The following STAC variants were observed in gnomAD, a reference collection of about 807,000 sequenced individuals.
The protein encoded by STAC is SH3 and cysteine-rich domain-containing protein.
STAC carries 43 observed loss-of-function variants against 48.8 expected under a neutral mutation model. The observed-to-expected ratio is 0.88, with a 90% CI of 0.69 to 1.14. The LOEUF (loss-of-function observed/expected upper bound fraction) is 1.14. STAC is among the 50% of genes most tolerant of loss of function. The probability of loss-of-function intolerance (pLI) is 0.00; values close to 1 mark genes in which losing one functional copy is unlikely to be tolerated. For synonymous variants in STAC, 193 were observed against 179.5 expected (o/e 1.07, Z -0.60); for missense variants, 497 against 504.0 (o/e 0.99, Z 0.13).
intron 1 of STAC, among the ~76,000 whole-genome samples, chr3:36,386,337 G>A (rs1699615472): frequency 1.3e-5 from 2 of 151,008 alleles, no homozygotes; most frequent in South Asian, 2.1e-4. Context: ...AATTTGTAGG[G>A]GTTCTTCTCA....
chr3:36,487,114 G>C (rs1319094724), intron 5 of STAC, among the ~76,000 whole-genome samples: 2 of 152,238 alleles, frequency 1.3e-5, no homozygotes, highest in Non-Finnish European at 2.9e-5. Flanking sequence ...TGGGAAGAGG[G>C]GCAGGGCACA....
chr3:36,467,083 CTG>C (rs1697198611), intron 2 of STAC, among the ~76,000 whole-genome samples: 1 of 151,900 alleles, frequency 6.6e-6, no homozygotes, highest in South Asian at 2.1e-4. Context: ...AATGCATTTT[CTG>C]TGTCTATTGA....
Position 36,448,035 on chromosome 3 carries a change from C to G in STAC, c.388+4395C>G, listed in dbSNP as rs113464212. On this transcript the variant is annotated intron_variant, in intron 2 of 10. Transcript: ENST00000273183. ...ATCTCTGGTGTCCAGAACTTTGCTGCTACTTTACTACTACAGGACAAAAAA... is the reference window on the plus strand; with the variant it reads ...ATCTCTGGTGTCCAGAACTTTGCTGGTACTTTACTACTACAGGACAAAAAA... Among the ~76,000 whole-genome samples, 241 of 152,262 alleles carry G rather than the reference C, an allele frequency of 1.6e-3. 1 individual carries two copies. The highest frequency in any genetic ancestry group is 4.7e-3 in the African/African-American group (196 of 41,552).
chr3:36,382,407 T>C (rs1046457263), intron 1 of STAC, among the ~76,000 whole-genome samples: 5 of 152,212 alleles, frequency 3.3e-5, no homozygotes, highest in Non-Finnish European at 7.3e-5. Context: ...CTAATGGAAA[T>C]TATTTGGCAG....
intron 8 of STAC, among the ~76,000 whole-genome samples, chr3:36,521,824 T>C (rs533505237): frequency 3.7e-4 from 57 of 152,324 alleles, no homozygotes; most frequent in African/African-American, 1.3e-3. Context: ...CCAGGCATGG[T>C]GGCTCGTGTC....
At chr3:36,387,968 C>T (rs1699657247) in intron 1 of STAC, among the ~76,000 whole-genome samples, 1 of 152,044 alleles carries the variant, frequency 6.6e-6, no homozygotes, top group Non-Finnish European at 1.5e-5. Context: ...CACAAGGATT[C>T]CAGTTTCTCT....
intron 1 of STAC, among the ~76,000 whole-genome samples, chr3:36,438,020 C>A (rs1401465901): frequency 6.6e-6 from 1 of 151,310 alleles, no homozygotes; most frequent in Non-Finnish European, 1.5e-5. Flanking sequence ...TTCACTGCAA[C>A]CTTGCCTCCC....
At chr3:36,520,076 C>G (rs1271865024) in intron 8 of STAC, among the ~76,000 whole-genome samples, 1 of 152,128 alleles carries the variant, frequency 6.6e-6, no homozygotes, top group African/African-American at 2.4e-5. Flanking sequence ...CCAGATCAGT[C>G]ATGTTTTTTG....
intron 10 of STAC, among the ~76,000 whole-genome samples, chr3:36,529,613 G>C (rs1699018285): frequency 6.6e-6 from 1 of 152,138 alleles, no homozygotes; most frequent in South Asian, 2.1e-4. Context: ...GAAGTAAAAT[G>C]TGAACCCCCA....
chr3:36,451,666 T>C (rs557398788), intron 2 of STAC, among the ~76,000 whole-genome samples: 16 of 152,228 alleles, frequency 1.1e-4, no homozygotes, highest in African/African-American at 3.6e-4. Flanking sequence ...TTACATGTGT[T>C]ATTTTGATAC....
At chr3:36,464,703 C>T (rs1321389212) in intron 2 of STAC, among the ~76,000 whole-genome samples, 1 of 152,128 alleles carries the variant, frequency 6.6e-6, no homozygotes, top group Admixed American at 6.6e-5. Flanking sequence ...GTTTTCCATT[C>T]CTGAGTTATT....
At chr3:36,486,014 G>T in intron 4 of STAC, 120 bp from the exon 5 acceptor site, 2 of 706,960 alleles carry the variant, frequency 2.8e-6, no homozygotes, top group South Asian at 3.6e-5. Flanking sequence ...TCTACCCAGA[G>T]GCTAAGTTCC....
rs189216598 is a variant in STAC, at chr3:36,381,450, T to C, written c.111+696T>C. Among the ~76,000 whole-genome samples, 89 of 152,302 alleles carry C rather than the reference T, an allele frequency of 5.8e-4. 1 individual carries two copies. The highest frequency in any genetic ancestry group is 1.6e-3 in the African/African-American group (67 of 41,566). On this transcript the variant is annotated intron_variant, in intron 1 of 10. Coordinates refer to ENST00000273183, the MANE Select transcript of STAC (RefSeq NM_003149.3). ...CATGTTTGAAAATCTTGGAAGAGGATAGAGTAAAATGTGGCTGCTAGCAGT... is the reference window on the plus strand; with the variant it reads ...CATGTTTGAAAATCTTGGAAGAGGACAGAGTAAAATGTGGCTGCTAGCAGT...
chr3:36,447,647 CACCACACA>C (rs1559495057), intron 2 of STAC, among the ~76,000 whole-genome samples: 1 of 124,482 alleles, frequency 8.0e-6, no homozygotes. Context: ...TATGTATACA[CACCACACA>C]CACACACACA....
chr3:36,403,867 G>GA (rs1309077744), intron 1 of STAC, among the ~76,000 whole-genome samples: 1 of 152,054 alleles, frequency 6.6e-6, no homozygotes, highest in African/African-American at 2.4e-5. Flanking sequence ...GAATGACTCT[G>GA]AAAAAAACAA....
chr3:36,422,210 T>C (rs1411633697), intron 1 of STAC, among the ~76,000 whole-genome samples: 1 of 152,160 alleles, frequency 6.6e-6, no homozygotes, highest in Non-Finnish European at 1.5e-5. Flanking sequence ...TTAGTATTCA[T>C]ATGGATGTTT....
intron 2 of STAC, among the ~76,000 whole-genome samples, chr3:36,446,571 T>C (rs1696514232): frequency 6.6e-6 from 1 of 152,212 alleles, no homozygotes; most frequent in South Asian, 2.1e-4. Context: ...CTGTCTACAA[T>C]GACTCATTTC....
intron 1 of STAC, among the ~76,000 whole-genome samples, chr3:36,405,757 G>T (rs1174810351): frequency 6.6e-6 from 1 of 152,144 alleles, no homozygotes; most frequent in Non-Finnish European, 1.5e-5. Context: ...GTTTTGCTCT[G>T]TCATCCAGGT....
At chr3:36,447,672 C>CAT (rs1696549006) in intron 2 of STAC, among the ~76,000 whole-genome samples, 2 of 151,924 alleles carry the variant, frequency 1.3e-5, no homozygotes, top group Non-Finnish European at 2.9e-5. Context: ...CACACACACA[C>CAT]ACACACACAC....
Sources: gnomAD v4.1 joint callset for allele counts (sites outside exome capture counted in the v4.1 genomes callset) on GRCh38, gnomAD v4.1.1 for gene constraint, MANE v1.5 for transcripts, NCBI Gene and HGNC (gene_info 2026-07-23, HGNC 2026-07-21) for gene names.